RIT2: variants seen among roughly 807,000 people sequenced by gnomAD.
RIT2 encodes Ras like without CAAX 2.
A neutral mutation model predicts 23.7 loss-of-function variants in RIT2; 24 were observed. The ratio of observed to expected loss-of-function variants is 1.01; its 90% CI spans 0.73 to 1.43. The LOEUF is 1.43. Among genes scored for constraint, RIT2 ranks in the 40% most tolerant of loss-of-function variants. The probability of loss-of-function intolerance (pLI) is 0.00; values close to 1 mark genes in which losing one functional copy is unlikely to be tolerated. For synonymous variants in RIT2, 107 were observed against 91.1 expected (o/e 1.17, Z -0.99); for missense variants, 236 against 266.9 (o/e 0.88, Z 0.81).
chr18:43,057,518 C>T (rs141481295), intron 1 of RIT2, among the ~76,000 whole-genome samples: 1 of 152,110 alleles, frequency 6.6e-6, no homozygotes, highest in Non-Finnish European at 1.5e-5. Flanking sequence ...TCAACACATT[C>T]CCAATAACAC....
rs900185946 is a variant in RIT2 at position 43,102,637 on chromosome 18, A to G, written c.103+12780T>C. ...GTGCATGCTCAGTTTTTTTTAATTCAGCATTTATTTATTTATTTATTATTT... is the reference window on the plus strand; with the variant it reads ...GTGCATGCTCAGTTTTTTTTAATTCGGCATTTATTTATTTATTTATTATTT... On this transcript the variant is annotated intron_variant, in intron 1 of 4. Coordinates refer to ENST00000326695, the MANE Select transcript of RIT2 (RefSeq NM_002930.4). Among the ~76,000 whole-genome samples, 23 of 147,012 alleles carry G rather than the reference A, an allele frequency of 1.6e-4. No individual in the cohort carries two copies. The East Asian group carries it at 5.1e-3, about 32-fold the overall frequency.
chr18:43,010,509 T>C (rs894270999), intron 2 of RIT2, among the ~76,000 whole-genome samples: 3 of 151,964 alleles, frequency 2.0e-5, no homozygotes, highest in South Asian at 2.1e-4. Flanking sequence ...AGAAAATGAT[T>C]GTATTTCTTC....
intron 4 of RIT2, among the ~76,000 whole-genome samples, chr18:42,786,062 A>G (rs1913915430): frequency 6.6e-6 from 1 of 152,216 alleles, no homozygotes; most frequent in South Asian, 2.1e-4. Context: ...GCAGATGAAA[A>G]GGGTGAAAAA....
chr18:42,847,839 T>A (rs1295291524), intron 4 of RIT2, among the ~76,000 whole-genome samples: 1 of 151,624 alleles, frequency 6.6e-6, no homozygotes, highest in Non-Finnish European at 1.5e-5. Context: ...AGCATTAGAA[T>A]TTGAATTAAC....
chr18:42,896,352 C>A (rs1908330308), intron 4 of RIT2, among the ~76,000 whole-genome samples: 1 of 152,232 alleles, frequency 6.6e-6, no homozygotes, highest in Non-Finnish European at 1.5e-5. Context: ...TCTGTAGAGA[C>A]AATGACAGGA....
At chr18:43,052,259 C>T (rs1364874751) in intron 1 of RIT2, among the ~76,000 whole-genome samples, 2 of 151,956 alleles carry the variant, frequency 1.3e-5, no homozygotes, top group African/African-American at 4.8e-5. Context: ...TGTAAAAGAC[C>T]TGCACTTAAA....
At chr18:42,860,890 A>G (rs1451210637) in intron 4 of RIT2, among the ~76,000 whole-genome samples, 1 of 152,152 alleles carries the variant, frequency 6.6e-6, no homozygotes, top group Non-Finnish European at 1.5e-5. Flanking sequence ...GGGAAAAAAA[A>G]TCTTTCTTAA....
intron 4 of RIT2, among the ~76,000 whole-genome samples, chr18:42,825,816 A>G (rs1459274889): frequency 6.6e-6 from 1 of 151,964 alleles, no homozygotes; most frequent in East Asian, 1.9e-4. Flanking sequence ...TGGCTAGAAT[A>G]CCCTTTGAGC....
At chr18:42,805,295 C>T (rs1466524573) in intron 4 of RIT2, among the ~76,000 whole-genome samples, 1 of 152,160 alleles carries the variant, frequency 6.6e-6, no homozygotes, top group Non-Finnish European at 1.5e-5. Flanking sequence ...TCATTAATAT[C>T]TGGCCAAATA....
At chr18:42,974,625 A>C in intron 2 of RIT2, among the ~76,000 whole-genome samples, 1 of 152,056 alleles carries the variant, frequency 6.6e-6, no homozygotes, top group East Asian at 1.9e-4. Context: ...GAAAACGAGT[A>C]AAATTATCTC....
At chr18:42,993,418 T>C (rs1350164425) in intron 2 of RIT2, among the ~76,000 whole-genome samples, 1 of 152,138 alleles carries the variant, frequency 6.6e-6, no homozygotes, top group Non-Finnish European at 1.5e-5. Flanking sequence ...GTAACTCTCA[T>C]GGTGGAAGGT....
intron 1 of RIT2, among the ~76,000 whole-genome samples, chr18:43,068,535 C>A (rs1912822526): frequency 6.6e-6 from 1 of 151,930 alleles, no homozygotes; most frequent in South Asian, 2.1e-4. Context: ...CCATAGCAAA[C>A]CAGGAGGCAT....
chr18:42,753,212 C>T (rs1913087565), intron 4 of RIT2, among the ~76,000 whole-genome samples: 1 of 152,170 alleles, frequency 6.6e-6, no homozygotes, highest in African/African-American at 2.4e-5. Context: ...CAACAATCTG[C>T]TGACTTCAGG....
intron 1 of RIT2, among the ~76,000 whole-genome samples, chr18:43,090,108 C>T (rs890135216): frequency 3.9e-5 from 6 of 152,034 alleles, no homozygotes; most frequent in Non-Finnish European, 8.8e-5. Context: ...AGACAACCTA[C>T]AAAATGGAGG....
chr18:42,851,618 G>A (rs531468853), intron 4 of RIT2, among the ~76,000 whole-genome samples: 13 of 152,266 alleles, frequency 8.5e-5, no homozygotes, highest in Admixed American at 1.3e-4. Flanking sequence ...TTGGGAGGTC[G>A]AGTCAGGTGG....
chr18:42,861,319 G>T (rs1239306523), intron 4 of RIT2, among the ~76,000 whole-genome samples: 1 of 152,158 alleles, frequency 6.6e-6, no homozygotes, highest in Non-Finnish European at 1.5e-5. Context: ...CCTTGCCTGG[G>T]TGACATTCTC....
chr18:43,003,740 AC>A (rs200508199), intron 2 of RIT2, among the ~76,000 whole-genome samples: 6 of 144,460 alleles, frequency 4.2e-5, no homozygotes, highest in Admixed American at 7.1e-5. Context: ...CTCTATCATT[AC>A]TTTTTTTTTC....
intron 2 of RIT2, among the ~76,000 whole-genome samples, chr18:42,996,793 C>CA (rs1176872860): frequency 6.6e-6 from 1 of 152,168 alleles, no homozygotes; most frequent in East Asian, 1.9e-4. Flanking sequence ...GTGGTCTCTT[C>CA]ACATGGATGC....
chr18:42,761,440 T>A (rs1404077341), intron 4 of RIT2, among the ~76,000 whole-genome samples: 1 of 152,228 alleles, frequency 6.6e-6, no homozygotes, highest in African/African-American at 2.4e-5. Flanking sequence ...AAGGTAACTT[T>A]CATGGACATT....
Sources: allele counts gnomAD v4.1 joint callset (sites outside exome capture counted in the v4.1 genomes callset), GRCh38; gene constraint gnomAD v4.1.1; transcripts MANE v1.5; gene names NCBI Gene and HGNC (gene_info 2026-07-23, HGNC 2026-07-21).